DPP6: variants seen among roughly 807,000 people sequenced by gnomAD.
DPP6 encodes the protein dipeptidyl peptidase like 6.
Under a neutral mutation model 122.6 loss-of-function variants are expected in DPP6, and 69 were observed. The observed-to-expected ratio is 0.56, with a 90% CI of 0.46 to 0.69. The LOEUF (loss-of-function observed/expected upper bound fraction) is 0.69, where lower values mean the gene tolerates loss of function less well. Ranked by LOEUF, DPP6 falls within the 30% of genes least tolerant of loss-of-function variation. DPP6 has a pLI of 0.00. For synonymous variants in DPP6, 418 were observed against 433.1 expected (o/e 0.97, Z 0.43); for missense variants, 928 against 1,116.9 (o/e 0.83, Z 2.41).
chr7:153,859,461 G>A, the DPP6 span, among the ~76,000 whole-genome samples: 1 of 152,154 alleles, frequency 6.6e-6, no homozygotes, highest in Non-Finnish European at 1.5e-5. Context: ...ACCATGTTGT[G>A]CAGAAAAAAA....
At chr7:154,684,127 C>T (rs538662566) in intron 7 of DPP6, among the ~76,000 whole-genome samples, 1 of 152,326 alleles carries the variant, frequency 6.6e-6, no homozygotes, top group East Asian at 1.9e-4. Flanking sequence ...CCTCAACCTC[C>T]CAAAGTGCTG....
chr7:154,033,154 A>T (rs1799345963), intron 1 of DPP6, among the ~76,000 whole-genome samples: 1 of 152,162 alleles, frequency 6.6e-6, no homozygotes, highest in South Asian at 2.1e-4. Flanking sequence ...CCCACAAGTG[A>T]TAGAATCTGA....
chr7:154,641,475 A>G (rs1316525502), intron 6 of DPP6, among the ~76,000 whole-genome samples: 2 of 152,214 alleles, frequency 1.3e-5, no homozygotes, highest in East Asian at 1.9e-4. Flanking sequence ...GTGTTTCCAT[A>G]TAAGTATTTT....
At chr7:153,956,340 C>T (rs888636731) in intron 1 of DPP6, among the ~76,000 whole-genome samples, 4 of 151,526 alleles carry the variant, frequency 2.6e-5, no homozygotes, top group African/African-American at 4.9e-5. Flanking sequence ...GACAGTAGTG[C>T]GGTTTGAGGA....
intron 16 of DPP6, among the ~76,000 whole-genome samples, chr7:154,843,917 T>C (rs1361797368): frequency 2.0e-5 from 3 of 152,252 alleles, no homozygotes; most frequent in Non-Finnish European, 2.9e-5. Context: ...CGTACTGGAC[T>C]CTGAGCTCCC....
At chr7:154,119,285 C>T (rs576753467) in intron 1 of DPP6, among the ~76,000 whole-genome samples, 2 of 152,242 alleles carry the variant, frequency 1.3e-5, no homozygotes, top group African/African-American at 4.8e-5. Flanking sequence ...GGATGCTCAC[C>T]GCCTGCAGAA....
chr7:154,263,918 C>T (rs560909093), intron 1 of DPP6, among the ~76,000 whole-genome samples: 14 of 152,060 alleles, frequency 9.2e-5, no homozygotes, highest in African/African-American at 2.4e-4. Flanking sequence ...CTTGAACTCC[C>T]GACCTCAGGT....
In DPP6 at chr7:154,872,676, C is replaced by T. The variant is rs907617235; in HGVS notation, c.1866C>T (p.Tyr622=). 2 of 1,599,022 alleles carry T rather than the reference C, an allele frequency of 1.3e-6. No homozygotes were observed. Among genetic ancestry groups the T allele is most frequent in the African/African-American group, 2.7e-5 (2 of 74,622 alleles). Reference sequence around the variant, plus strand: ...CAACCTTCACCGACACCACCCACTACCCTCTGCTCCTGGTGGTGTAAGTAT... The same window carrying T: ...CAACCTTCACCGACACCACCCACTATCCTCTGCTCCTGGTGGTGTAAGTAT... The part of the protein sequence containing the change: ...KPATFTDTTH[Y]PLLLVVDGTP... Residue 622 remains tyrosine, a synonymous_variant, in exon 19 of 26, where the codon TAC becomes TAT. Coordinates refer to ENST00000377770, the MANE Select transcript of DPP6 (RefSeq NM_130797.4).
intron 3 of DPP6, among the ~76,000 whole-genome samples, chr7:154,538,432 C>G (rs182248077): frequency 6.6e-6 from 1 of 152,170 alleles, no homozygotes; most frequent in African/African-American, 2.4e-5. Flanking sequence ...ATGTCGTTCC[C>G]CTCTCTGTGT....
chr7:153,992,098 G>C (rs984228826), intron 1 of DPP6, among the ~76,000 whole-genome samples: 2 of 151,818 alleles, frequency 1.3e-5, no homozygotes, highest in African/African-American at 4.8e-5. Context: ...CTCATGATTT[G>C]AACACCTCCC....
intron 6 of DPP6, among the ~76,000 whole-genome samples, chr7:154,668,786 G>A (rs1341088596): frequency 1.3e-5 from 2 of 152,038 alleles, no homozygotes; most frequent in Non-Finnish European, 2.9e-5. Context: ...TGTTGTGGTG[G>A]TATTGGTATT....
chr7:154,804,683 C>T (rs751862946), intron 14 of DPP6, among the ~76,000 whole-genome samples: 1 of 152,192 alleles, frequency 6.6e-6, no homozygotes, highest in Admixed American at 6.5e-5. Flanking sequence ...AAGCAGAGGC[C>T]AGTGCAGGGG....
intron 1 of DPP6, among the ~76,000 whole-genome samples, chr7:154,003,235 A>T (rs1318066969): frequency 6.6e-6 from 1 of 152,208 alleles, no homozygotes; most frequent in Non-Finnish European, 1.5e-5. Flanking sequence ...CTTACGAAGC[A>T]GTCTAGTGGC....
intron 3 of DPP6, among the ~76,000 whole-genome samples, chr7:154,496,991 A>G (rs753184993): frequency 6.6e-6 from 1 of 152,156 alleles, no homozygotes; most frequent in Non-Finnish European, 1.5e-5. Flanking sequence ...CATTGTGTTG[A>G]GGACCTACTA....
intron 10 of DPP6, among the ~76,000 whole-genome samples, chr7:154,790,267 T>C (rs1385040136): frequency 3.9e-5 from 6 of 152,130 alleles, no homozygotes; most frequent in African/African-American, 9.7e-5. Flanking sequence ...ACTTAGGAAA[T>C]GTTGACTAGA....
chr7:153,900,183 TGA>T (rs1799584006), intron 1 of DPP6, among the ~76,000 whole-genome samples: 1 of 152,034 alleles, frequency 6.6e-6, no homozygotes, highest in African/African-American at 2.4e-5. Context: ...GAAGTGCCAG[TGA>T]TTTCATTTTT....
At chr7:153,949,129 A>G (rs1199390269) in intron 1 of DPP6, among the ~76,000 whole-genome samples, 4 of 152,180 alleles carry the variant, frequency 2.6e-5, no homozygotes, top group African/African-American at 9.7e-5. Flanking sequence ...CTCTGCCCGG[A>G]GCATCGGCAT....
intron 25 of DPP6, among the ~76,000 whole-genome samples, chr7:154,891,554 G>T (rs755377845): frequency 4.6e-5 from 7 of 152,148 alleles, no homozygotes; most frequent in Non-Finnish European, 1.0e-4. Context: ...AATCTGTGGG[G>T]TGGGCCCGTG....
At chr7:154,619,982 G>A (rs1446914223) in intron 5 of DPP6, among the ~76,000 whole-genome samples, 1 of 152,200 alleles carries the variant, frequency 6.6e-6, no homozygotes, top group Non-Finnish European at 1.5e-5. Context: ...TCAAAATGCA[G>A]ATTCAAAGCC....
Sources: allele counts gnomAD v4.1 joint callset (sites outside exome capture counted in the v4.1 genomes callset), GRCh38; gene constraint gnomAD v4.1.1; transcripts MANE v1.5; gene names NCBI Gene and HGNC (gene_info 2026-07-23, HGNC 2026-07-21).